Variants in SCMH1 observed in about 807,000 individuals in gnomAD.
The protein encoded by SCMH1 is polycomb protein SCMH1.
A neutral mutation model predicts 70.8 loss-of-function variants in SCMH1; 37 were observed. The observed-to-expected ratio is 0.52, with a 90% confidence interval of 0.40 to 0.69. The LOEUF is 0.69. Ranked by LOEUF, SCMH1 falls within the 30% of genes least tolerant of loss-of-function variation. The pLI is 0.00. For missense variants in SCMH1, 607 were observed against 827.3 expected, an observed-to-expected ratio of 0.73 and a Z score of 3.27; for synonymous variants, 292 against 307.4, an observed-to-expected ratio of 0.95 and a Z score of 0.52.
chr1:41,141,676 T>C (rs1644086408), intron 6 of SCMH1, among the ~76,000 whole-genome samples: 1 of 152,062 alleles, frequency 6.6e-6, no homozygotes. Context: ...AAAAGACAAA[T>C]GACTTAGGTT....
chr1:41,155,984 C>CAAAAAA (rs386366781), intron 4 of SCMH1, among the ~76,000 whole-genome samples: 5 of 74,624 alleles, frequency 6.7e-5, no homozygotes, highest in Admixed American at 1.5e-4. Context: ...GACTCCGTCT[C>CAAAAAA]AAAAAAAAAA....
chr1:41,086,888 C>CAAA (rs369382154), intron 8 of SCMH1, among the ~76,000 whole-genome samples: 75 of 126,790 alleles, frequency 5.9e-4, no homozygotes, highest in African/African-American at 1.8e-3. Context: ...AAAACAAAAC[C>CAAA]AAAAAAAAAA....
chr1:41,149,127 T>C (rs1273910690), intron 5 of SCMH1, among the ~76,000 whole-genome samples: 1 of 152,122 alleles, frequency 6.6e-6, no homozygotes, highest in African/African-American at 2.4e-5. Context: ...AGCCATTATT[T>C]CTTCAAATAT....
intron 4 of SCMH1, chr1:41,152,878 A>C: frequency 1.3e-6 from 1 of 784,790 alleles, no homozygotes; most frequent in Non-Finnish European, 1.9e-6. Context: ...TAAGCCAAAT[A>C]GATTTGGCCA....
chr1:41,097,988 T>C (rs775670133), intron 8 of SCMH1, among the ~76,000 whole-genome samples: 14 of 152,244 alleles, frequency 9.2e-5, no homozygotes, highest in South Asian at 2.1e-4. Context: ...GTGCCTTGCA[T>C]GTTAGCCCCC....
At chr1:41,235,899 T>C (rs1662283031) in intron 1 of SCMH1, among the ~76,000 whole-genome samples, 1 of 152,256 alleles carries the variant, frequency 6.6e-6, no homozygotes, top group African/African-American at 2.4e-5. Context: ...ATTTGTGAGA[T>C]TTGCTCATGT....
chr1:41,221,733 CAAAA>C (rs1320882794), intron 1 of SCMH1, among the ~76,000 whole-genome samples: 1 of 148,994 alleles, frequency 6.7e-6, no homozygotes, highest in Admixed American at 6.7e-5. Flanking sequence ...ACTAAAAATA[CAAAA>C]AAAAATTAGC....
At position 41,138,949 on chromosome 1, in the gene SCMH1, C is replaced by T. The variant is rs1643781331; in HGVS notation, c.412+3929G>A. 1.3e-5 allele frequency among the ~76,000 whole-genome samples: 2 copies of T among 152,116 alleles called. 1 individual carries two copies. The highest frequency in any genetic ancestry group is 4.2e-4 in the South Asian group (2 of 4,814). ...GCAAAAAAACAAAAGGTTCTATTGG[C>T]AGGGAACTTGGGTCATGAGTTGGCA... On this transcript the variant is annotated intron_variant, in intron 6 of 14. Transcript: ENST00000337495.
intron 5 of SCMH1, among the ~76,000 whole-genome samples, chr1:41,144,599 T>C (rs1644384777): frequency 6.6e-6 from 1 of 152,190 alleles, no homozygotes; most frequent in East Asian, 1.9e-4. Flanking sequence ...ATGTTTTCTA[T>C]TCTCTTACGT....
intron 13 of SCMH1, among the ~76,000 whole-genome samples, chr1:41,029,606 G>A (rs1644241974): frequency 6.6e-6 from 1 of 152,156 alleles, no homozygotes; most frequent in Non-Finnish European, 1.5e-5. Context: ...TGTTTCCCCT[G>A]TGGGATTTGG....
intron 1 of SCMH1, among the ~76,000 whole-genome samples, chr1:41,210,521 T>C (rs1185805486): frequency 6.6e-6 from 1 of 151,982 alleles, no homozygotes; most frequent in Non-Finnish European, 1.5e-5. Flanking sequence ...TATAGACCAA[T>C]GGAACAGAAC....
chr1:41,163,338 A>C (rs534996057), intron 2 of SCMH1, among the ~76,000 whole-genome samples: 2 of 152,264 alleles, frequency 1.3e-5, no homozygotes, highest in South Asian at 4.1e-4. Flanking sequence ...GCCTAACTCC[A>C]GTCTCTCTTG....
At chr1:41,110,178 A>C (rs539052129) in intron 8 of SCMH1, among the ~76,000 whole-genome samples, 6 of 152,234 alleles carry the variant, frequency 3.9e-5, no homozygotes, top group East Asian at 1.9e-4. Context: ...TTTCCCTTTC[A>C]TTCTGCCCGA....
At chr1:41,195,479 T>C (rs1188296349) in intron 1 of SCMH1, among the ~76,000 whole-genome samples, 1 of 150,640 alleles carries the variant, frequency 6.6e-6, no homozygotes, top group African/African-American at 2.4e-5. Flanking sequence ...CACATGGTAA[T>C]GTCAATGTAG....
At chr1:41,141,370 T>C (rs930268312) in intron 6 of SCMH1, among the ~76,000 whole-genome samples, 2 of 152,188 alleles carry the variant, frequency 1.3e-5, no homozygotes, top group Non-Finnish European at 2.9e-5. Flanking sequence ...GTATGATCTG[T>C]AAAGCCTAAA....
chr1:41,153,052 T>A (rs1366878112), intron 4 of SCMH1, among the ~76,000 whole-genome samples: 1 of 152,210 alleles, frequency 6.6e-6, no homozygotes, highest in East Asian at 1.9e-4. Context: ...GACAGGGCCC[T>A]AAAGCAAGGA....
exon 15 of SCMH1, chr1:41,027,875 C>T (rs942009128): frequency 3.2e-6 from 1 of 311,912 alleles, no homozygotes; most frequent in African/African-American, 2.2e-5. Flanking sequence ...GCCTTTTCCT[C>T]CATCACGTGG....
rs1651784196 is a variant in SCMH1 at position 41,191,826 on chromosome 1, G to C, written c.-117-5576C>G. Among the ~76,000 whole-genome samples the C allele has an allele frequency of 3.9e-5, 6 of 152,174 alleles. No homozygotes were observed. In the South Asian group the frequency reaches 1.2e-3, roughly 32 times the overall value. ...GTTGGACAGGAACCAGTCCTCTTAG[G>C]GAGACAGAATGAGAGAGAATGGTGT... On this transcript the variant is annotated intron_variant, in intron 1 of 14. Coordinates refer to ENST00000337495, the Ensembl canonical transcript of SCMH1.
chr1:41,189,076 G>A (rs749252302), intron 1 of SCMH1, among the ~76,000 whole-genome samples: 1 of 151,880 alleles, frequency 6.6e-6, no homozygotes, highest in East Asian at 1.9e-4. Context: ...GCTACAGGGA[G>A]GCAGGAGACA....
Sources: allele counts gnomAD v4.1 joint callset (sites outside exome capture counted in the v4.1 genomes callset), GRCh38; gene constraint gnomAD v4.1.1; transcripts MANE v1.5; gene names NCBI Gene and HGNC (gene_info 2026-07-23, HGNC 2026-07-21).